RELN: variants seen among roughly 807,000 people sequenced by gnomAD.
RELN encodes the protein reelin.
A neutral mutation model predicts 427.6 loss-of-function variants in RELN; 108 were observed. The ratio of observed to expected loss-of-function variants is 0.25; its 90% CI spans 0.22 to 0.30. RELN has a LOEUF of 0.30. RELN is among the 10% of genes least tolerant of loss of function. RELN has a pLI of 1.00. For synonymous variants in RELN, 1,524 were observed against 1,513.4 expected, an observed-to-expected ratio of 1.01 and a Z score of -0.16; for missense variants, 3,715 against 4,302.8, an observed-to-expected ratio of 0.86 and a Z score of 3.82.
chr7:103,676,710 CA>C (rs1216369299), intron 11 of RELN, among the ~76,000 whole-genome samples: 1 of 151,406 alleles, frequency 6.6e-6, no homozygotes, highest in Non-Finnish European at 1.5e-5. Context: ...TATGCAGCCA[CA>C]AAAAATGATG....
At chr7:103,528,077 G>A (rs1829863440) in intron 46 of RELN, among the ~76,000 whole-genome samples, 1 of 152,138 alleles carries the variant, frequency 6.6e-6, no homozygotes, top group African/African-American at 2.4e-5. Flanking sequence ...GCCAAGAAAA[G>A]TGAAAACATA....
chr7:103,561,525 AT>A lies in RELN; in HGVS notation c.5529+6del, dbSNP rs778495891. 2 of 1,605,570 alleles carry A rather than the reference AT, an allele frequency of 1.2e-6. No individual in the cohort carries two copies. The highest frequency in any genetic ancestry group is 1.7e-5 in the Admixed American group (1 of 59,992). On this transcript the variant is annotated splice_donor_region_variant and intron_variant, in intron 36 of 64. Transcript: ENST00000428762. ...TGTTGGGAAGGAGAATCTTATCTGT[AT>A]CTGACCCCTTTAAAAATTAGAGATG...
At chr7:103,592,106 G>A (rs542465691) in intron 27 of RELN, among the ~76,000 whole-genome samples, 26 of 152,032 alleles carry the variant, frequency 1.7e-4, no homozygotes, top group African/African-American at 4.8e-4. Context: ...TGTGTGTCTC[G>A]GGAGTTTGCT....
At chr7:103,604,509 A>C in intron 22 of RELN, 26 bp from the exon 23 acceptor site, 1 of 1,613,476 alleles carries the variant, frequency 6.2e-7, no homozygotes, top group African/African-American at 1.3e-5. Flanking sequence ...AGTATAACAA[A>C]AACGGTTTCA....
At chr7:103,912,279 C>T (rs1352346343) in intron 2 of RELN, among the ~76,000 whole-genome samples, 1 of 150,796 alleles carries the variant, frequency 6.6e-6, no homozygotes, top group African/African-American at 2.4e-5. Flanking sequence ...CACTGCAAAC[C>T]TCCACCTCCC....
chr7:103,736,603 T>C (rs1790499170), intron 6 of RELN, among the ~76,000 whole-genome samples: 1 of 152,220 alleles, frequency 6.6e-6, no homozygotes, highest in Non-Finnish European at 1.5e-5. Flanking sequence ...CAGGTACGAA[T>C]GACAAACGTT....
chr7:103,564,738 C>T (rs144938202), intron 34 of RELN, among the ~76,000 whole-genome samples: 118 of 152,138 alleles, frequency 7.8e-4, no homozygotes, highest in African/African-American at 2.6e-3. Flanking sequence ...ACCACAGTAC[C>T]CGTTAGTTCC....
chr7:103,866,623 C>T (rs116261625), intron 2 of RELN, among the ~76,000 whole-genome samples: 1,656 of 151,926 alleles, frequency 0.011, 37 homozygotes, highest in African/African-American at 0.039. Flanking sequence ...GTAATTAGAA[C>T]ACCTATATTT....
chr7:103,944,858 C>T (rs1376752338), intron 1 of RELN, among the ~76,000 whole-genome samples: 1 of 152,068 alleles, frequency 6.6e-6, no homozygotes, highest in Admixed American at 6.5e-5. Context: ...CAGGCTGTTT[C>T]GGTTTGGGTT....
chr7:103,923,556 T>G (rs1795661274), intron 1 of RELN, among the ~76,000 whole-genome samples: 1 of 152,200 alleles, frequency 6.6e-6, no homozygotes. Context: ...AAAAGAGATC[T>G]TAAATAATTA....
chr7:103,576,958 A>G (rs565500761), intron 28 of RELN, among the ~76,000 whole-genome samples: 4 of 152,210 alleles, frequency 2.6e-5, no homozygotes, highest in Non-Finnish European at 5.9e-5. Context: ...ACACACGCAC[A>G]CACACACACA....
intron 2 of RELN, among the ~76,000 whole-genome samples, chr7:103,843,700 T>TA (rs1441610437): frequency 6.6e-6 from 1 of 152,176 alleles, no homozygotes; most frequent in East Asian, 1.9e-4. Flanking sequence ...TAGATACAGA[T>TA]ATGAGTGAGA....
intron 51 of RELN, among the ~76,000 whole-genome samples, chr7:103,504,163 C>T (rs1310944310): frequency 6.6e-6 from 1 of 152,142 alleles, no homozygotes; most frequent in African/African-American, 2.4e-5. Flanking sequence ...AAGATTACGC[C>T]ACTGCACTCT....
intron 2 of RELN, among the ~76,000 whole-genome samples, chr7:103,857,987 C>T (rs1183552600): frequency 1.3e-5 from 2 of 151,472 alleles, no homozygotes; most frequent in Admixed American, 1.3e-4. Flanking sequence ...TTTTATAAAA[C>T]TACCCTCTTC....
At chr7:103,598,944 G>GTGTTGGAGT (rs1366765111) in intron 24 of RELN, among the ~76,000 whole-genome samples, 1 of 152,218 alleles carries the variant, frequency 6.6e-6, no homozygotes, top group African/African-American at 2.4e-5. Flanking sequence ...GTGCGCATAT[G>GTGTTGGAGT]TGTTGGAGTA....
In RELN at chr7:103,491,957, C is replaced by G; in HGVS notation, c.9439G>C (p.Ala3147Pro). Residue 3147 changes from alanine (A) to proline (P), a missense_variant, in exon 58 of 65, where the codon GCA becomes CCA. Ala to Pro is a conservative substitution (Grantham distance 27, BLOSUM62 -1). Around this residue, in one of 4 missense-constraint regions of RELN, gnomAD observed 1,310 missense variants for 1,643.0 expected, o/e 0.80. Transcript: ENST00000428762. ...GTTAAAAATTATTTCACAAACCTTG[C>G]ATCCTTAGTGTATTCCAGCATTACG... is the stretch of plus-strand genomic sequence containing the variant. Reference protein sequence around the residue: ...HSVMLEYTKDARSDSWQLVQT... With the variant: ...HSVMLEYTKDPRSDSWQLVQT... 2 of 1,597,000 alleles carry G rather than the reference C, an allele frequency of 1.3e-6. No homozygotes were observed. The highest frequency in any genetic ancestry group is 1.7e-6 in the Non-Finnish European group (2 of 1,169,880).
At chr7:103,815,743 G>A (rs955211177) in intron 3 of RELN, among the ~76,000 whole-genome samples, 1 of 152,126 alleles carries the variant, frequency 6.6e-6, no homozygotes, top group African/African-American at 2.4e-5. Context: ...GACACACTGA[G>A]GTGTGTTACT....
In RELN at chr7:103,611,749, T is replaced by A. The variant is rs770075186; in HGVS notation, c.2757A>T (p.Ser919=). The change falls in exon 21 of 65, where the codon TCA becomes TCT. Residue 919 remains serine (S), a synonymous_variant. Coordinates refer to ENST00000428762, the MANE Select transcript of RELN (RefSeq NM_005045.4). ...ASSMRYVETQ[S]MQIGASYMIQ... ...TCATATAGGATGCTCCTATCTGCAT[T>A]GATTGTGTTTCCACATAGCGCATAC... is the stretch of plus-strand genomic sequence containing the variant. The A allele has an allele frequency of 2.5e-6, 4 of 1,613,940 alleles. No individual in the cohort carries two copies. The highest frequency in any genetic ancestry group is 3.4e-6 in the Non-Finnish European group (4 of 1,179,876).
chr7:103,600,905 A>G (rs1015658398), intron 24 of RELN, among the ~76,000 whole-genome samples: 2 of 152,196 alleles, frequency 1.3e-5, no homozygotes, highest in African/African-American at 4.8e-5. Flanking sequence ...TGTGTTCCCA[A>G]CATTATTCTT....
Sources: gnomAD v4.1 joint callset for allele counts (sites outside exome capture counted in the v4.1 genomes callset) on GRCh38, gnomAD v4.1.1 for gene constraint, gnomAD v4.1.1 regional missense constraint, MANE v1.5 for transcripts, NCBI Gene and HGNC (gene_info 2026-07-23, HGNC 2026-07-21) for gene names.